Variants in ABHD12 observed in about 807,000 individuals in gnomAD.
ABHD12 encodes lysophosphatidylserine lipase ABHD12.
Under a neutral mutation model 58.3 loss-of-function variants are expected in ABHD12, and 43 were observed. That is an observed-to-expected ratio of 0.74 (90% CI 0.58 to 0.95). The LOEUF is 0.95. ABHD12 is among the 40% of genes least tolerant of loss of function. ABHD12 has a pLI of 0.00. For synonymous variants in ABHD12, 219 were observed against 211.2 expected (o/e 1.04, Z -0.32); for missense variants, 539 against 537.2 (o/e 1.00, Z -0.03).
intron 2 of ABHD12, chr20:25,338,897 C>G: frequency 8.6e-7 from 1 of 1,158,504 alleles, no homozygotes; most frequent in Non-Finnish European, 1.1e-6. Context: ...CAGCTGAAGA[C>G]AGATACGCTG....
At chr20:25,302,111 GC>G in intron 12 of ABHD12, 107 bp downstream of exon 12, 1 of 1,510,626 alleles carries the variant, frequency 6.6e-7, no homozygotes, top group African/African-American at 1.4e-5. Flanking sequence ...GTGACTCTTG[GC>G]CCCACTGAGG....
At chr20:25,339,402 C>T (rs1398765664) in intron 1 of ABHD12, 51 bp from the exon 2 acceptor site, 1 of 1,613,098 alleles carries the variant, frequency 6.2e-7, no homozygotes, top group Non-Finnish European at 8.5e-7. Context: ...TGCCATTTTG[C>T]TGTAGTTTGT....
At chr20:25,335,805 T>G (rs2089355679) in intron 2 of ABHD12, among the ~76,000 whole-genome samples, 1 of 110,032 alleles carries the variant, frequency 9.1e-6, no homozygotes, top group Non-Finnish European at 1.8e-5. Context: ...TGGGAACTGT[T>G]GTGGGGTGGG....
At chr20:25,385,642 C>A (rs914276365) in intron 1 of ABHD12, among the ~76,000 whole-genome samples, 13 of 151,818 alleles carry the variant, frequency 8.6e-5, no homozygotes, top group Non-Finnish European at 1.5e-5. Context: ...GAGAGAAGTT[C>A]AAGACCAGCC....
intron 8 of ABHD12, 79 bp downstream of exon 8, chr20:25,308,378 T>G: frequency 6.5e-7 from 1 of 1,544,034 alleles, no homozygotes; most frequent in Non-Finnish European, 8.8e-7. Context: ...ATGAGGACGC[T>G]GAGCACTTGC....
At chr20:25,317,690 C>T (rs80237741) in intron 4 of ABHD12, among the ~76,000 whole-genome samples, 14,958 of 152,310 alleles carry the variant, frequency 0.098, 951 homozygotes, top group Non-Finnish European at 0.14. Flanking sequence ...GGCTGCCTCC[C>T]GCCCCTCACA....
chr20:25,390,475 C>CGGGGGGGGGGGGG, intron 1 of ABHD12, 38 bp downstream of exon 1: 4 of 1,089,480 alleles, frequency 3.7e-6, no homozygotes, highest in South Asian at 1.9e-5. Flanking sequence ...AGTGAGGGAC[C>CGGGGGGGGGGGGG]GGCCCCCCCC....
At chr20:25,367,707 T>C (rs1159659309) in intron 1 of ABHD12, among the ~76,000 whole-genome samples, 1 of 152,166 alleles carries the variant, frequency 6.6e-6, no homozygotes, top group Non-Finnish European at 1.5e-5. Flanking sequence ...TTTAGCATAA[T>C]GTCTTCAAGG....
chr20:25,303,163 C>G, intron 11 of ABHD12: 1 of 1,060,606 alleles, frequency 9.4e-7, no homozygotes, highest in Non-Finnish European at 1.2e-6. Context: ...AGATCCTCAT[C>G]AAGGGGTTCT....
At chr20:25,386,872 C>A (rs1264733877) in intron 1 of ABHD12, among the ~76,000 whole-genome samples, 3 of 151,866 alleles carry the variant, frequency 2.0e-5, no homozygotes, top group African/African-American at 7.3e-5. Flanking sequence ...CAGAGTGAAA[C>A]CCCGCCTCAA....
At chr20:25,307,933 GAA>G in intron 9 of ABHD12, 31 bp downstream of exon 9, 1 of 1,213,586 alleles carries the variant, frequency 8.2e-7, no homozygotes, top group Non-Finnish European at 1.2e-6. Context: ...TCTTAATAAT[GAA>G]AAGTTAATTT....
At chr20:25,326,496 G>C (rs2145990192) in intron 2 of ABHD12, among the ~76,000 whole-genome samples, 1 of 152,318 alleles carries the variant, frequency 6.6e-6, no homozygotes, top group African/African-American at 2.4e-5. Flanking sequence ...ATAGGTATTT[G>C]AGGATAGAAA....
intron 1 of ABHD12, among the ~76,000 whole-genome samples, chr20:25,382,771 T>C (rs1381064192): frequency 6.6e-6 from 1 of 151,964 alleles, no homozygotes; most frequent in Non-Finnish European, 1.5e-5. Flanking sequence ...TTGGGAAGGG[T>C]CACTGTGGCT....
intron 1 of ABHD12, among the ~76,000 whole-genome samples, chr20:25,367,562 CA>C (rs1339537718): frequency 1.3e-5 from 2 of 152,220 alleles, no homozygotes; most frequent in Non-Finnish European, 2.9e-5. Flanking sequence ...ACCCATTAAA[CA>C]GTAACTCCCA....
At chr20:25,352,935 T>C (rs1490559952) in intron 1 of ABHD12, among the ~76,000 whole-genome samples, 1 of 152,046 alleles carries the variant, frequency 6.6e-6, no homozygotes, top group Non-Finnish European at 1.5e-5. Flanking sequence ...TCCCAGCTAC[T>C]CTGAAGGCTG....
At chr20:25,307,359 C>A (rs974205447) in intron 9 of ABHD12, among the ~76,000 whole-genome samples, 2 of 152,360 alleles carry the variant, frequency 1.3e-5, no homozygotes, top group Middle Eastern at 3.4e-3. Flanking sequence ...GGTAACAGAA[C>A]AGCATGAGGC....
chr20:25,367,829 T>G (rs899591017), intron 1 of ABHD12, among the ~76,000 whole-genome samples: 1 of 152,258 alleles, frequency 6.6e-6, no homozygotes, highest in Non-Finnish European at 1.5e-5. Context: ...ATGTTTTAGC[T>G]ATTGTGAATA....
intron 1 of ABHD12, among the ~76,000 whole-genome samples, chr20:25,362,982 A>G (rs1568761653): frequency 1.4e-5 from 2 of 147,598 alleles, no homozygotes; most frequent in African/African-American, 5.0e-5. Context: ...CTTTTACTTG[A>G]TTTTTTTTTT....
At chr20:25,303,267 G>C in intron 11 of ABHD12, 1 of 1,276,114 alleles carries the variant, frequency 7.8e-7, no homozygotes, top group South Asian at 1.5e-5. Flanking sequence ...GATAACCCCT[G>C]TGTGAGGACT....
Sources: allele counts gnomAD v4.1 joint callset (sites outside exome capture counted in the v4.1 genomes callset), GRCh38; gene constraint gnomAD v4.1.1; transcripts MANE v1.5; gene names NCBI Gene and HGNC (gene_info 2026-07-23, HGNC 2026-07-21).